Variants in ANKRD18B observed in about 807,000 individuals in gnomAD.
ANKRD18B encodes the protein ankyrin repeat domain 18B.
In ANKRD18B, 75 loss-of-function variants were observed where a neutral mutation model predicts 111.8. That is an observed-to-expected ratio of 0.67 (90% CI 0.56 to 0.81). ANKRD18B has a LOEUF of 0.81. ANKRD18B is among the 40% of genes least tolerant of loss of function. The pLI, the probability that ANKRD18B is intolerant of heterozygous loss-of-function variation, is 0.00. For synonymous variants in ANKRD18B, 356 were observed against 417.3 expected (o/e 0.85, Z 1.79); for missense variants, 1,038 against 1,225.5 (o/e 0.85, Z 2.28).
At chr9:33,561,964 A>T (rs919165949) in intron 14 of ANKRD18B, among the ~76,000 whole-genome samples, 2 of 152,134 alleles carry the variant, frequency 1.3e-5, no homozygotes, top group Admixed American at 1.3e-4. Flanking sequence ...CTTATGTCAT[A>T]ATAAAAATTA....
chr9:33,539,742 A>T (rs1828252556), intron 7 of ANKRD18B, among the ~76,000 whole-genome samples: 1 of 152,010 alleles, frequency 6.6e-6, no homozygotes, highest in Non-Finnish European at 1.5e-5. Flanking sequence ...CTTATCCTGT[A>T]GGCCAGGGGA....
At chr9:33,534,010 A>G (rs755076463) in intron 4 of ANKRD18B, among the ~76,000 whole-genome samples, 15 of 151,972 alleles carry the variant, frequency 9.9e-5, no homozygotes, top group Admixed American at 3.3e-4. Flanking sequence ...GAATTACAAT[A>G]TAATTCGAAG....
intron 5 of ANKRD18B, among the ~76,000 whole-genome samples, chr9:33,535,791 T>A (rs1191455331): frequency 1.4e-5 from 2 of 146,636 alleles, no homozygotes; most frequent in Non-Finnish European, 3.0e-5. Flanking sequence ...ATATTATATA[T>A]AATTATTATA....
In ANKRD18B at chr9:33,548,546, G is replaced by A. The variant is rs544475099; in HGVS notation, c.1758G>A (p.Gln586=). Reference sequence around the variant, plus strand: ...TACAGCTGGACCTAAAGCAAGCGCAGCATCGAATAAAGGAAATGAAGCAGA... The same window carrying A: ...TACAGCTGGACCTAAAGCAAGCGCAACATCGAATAAAGGAAATGAAGCAGA... ...ESVQLDLKQA[Q]HRIKEMKQMH... is the part of the protein sequence containing the mutation. The change falls in exon 11 of 19, where the codon CAG becomes CAA. Residue 586 remains glutamine (Q), a synonymous_variant. Coordinates refer to ENST00000684830, the MANE Select transcript of ANKRD18B (RefSeq NM_001393611.1). 12 of 1,550,882 alleles carry A rather than the reference G, an allele frequency of 7.7e-6. No homozygotes were observed. The African/African-American group carries it at 8.2e-5, about 11-fold the overall frequency.
chr9:33,545,305 T>G (rs1309207698), intron 10 of ANKRD18B, among the ~76,000 whole-genome samples: 1 of 151,920 alleles, frequency 6.6e-6, no homozygotes, highest in Non-Finnish European at 1.5e-5. Flanking sequence ...AGACCAAGAG[T>G]TTGATATGCA....
rs566375388 is a variant in ANKRD18B, at chr9:33,568,764, C to T, written c.3048C>T (p.Asp1016=). The change falls in exon 17 of 19, where the codon GAC becomes GAT. Residue 1016 remains aspartate, a synonymous_variant. Transcript: ENST00000684830. ...YFLSTLPMRP[D]PELPCVENLN... is the part of the protein sequence containing the mutation. ...TCAGCACTCTTCCTATGAGGCCAGA[C>T]CCAGAGTTACCTTGTGTTGAAAATC... The T allele has an allele frequency of 1.3e-5, 20 of 1,551,312 alleles. No homozygotes were observed. Among genetic ancestry groups the T allele is most frequent in the Non-Finnish European group, 1.7e-5 (19 of 1,146,776 alleles).
At position 33,572,653 on chromosome 9, in the gene ANKRD18B, A is replaced by G; in HGVS notation, c.*219A>G. On this transcript the variant is annotated 3_prime_UTR_variant, in exon 19 of 19. Coordinates refer to ENST00000684830, the MANE Select transcript of ANKRD18B (RefSeq NM_001393611.1). ...GAGTTTGACCTACTCAAATTGCCTG[A>G]ATGTCAGCTGTTTAAACAGCCAAAC... 9 of 1,150,674 alleles carry G rather than the reference A, an allele frequency of 7.8e-6. No homozygotes were observed. In the South Asian group the frequency reaches 1.5e-4, roughly 19 times the overall value. The allele number at this position is 1,150,674 out of a possible 1,614,324, so 71.3% of individuals were successfully genotyped here.
chr9:33,569,590 CT>C (rs1348304336), intron 17 of ANKRD18B, among the ~76,000 whole-genome samples: 1 of 152,128 alleles, frequency 6.6e-6, no homozygotes, highest in Non-Finnish European at 1.5e-5. Flanking sequence ...TTTGCACCAA[CT>C]TAACTCTTTC....
rs927855219 is a variant in ANKRD18B, at chr9:33,572,756, T to G, written c.*322T>G. The G allele has an allele frequency of 2.0e-6, 2 of 1,002,712 alleles. No individual in the cohort carries two copies. The highest frequency in any genetic ancestry group is 1.2e-6 in the Non-Finnish European group (1 of 838,386). The allele number at this position is 1,002,712 out of a possible 1,614,324, so 62.1% of individuals were successfully genotyped here. A position where few individuals can be genotyped will look rare whatever the true frequency, so the allele number is the denominator to read the frequency against. ...TTTATTACCATATATAGTAGGAGAC[T>G]TAAAGAGTATCTGCCAGGTTTGTCC... On this transcript the variant is annotated 3_prime_UTR_variant, in exon 19 of 19. Coordinates refer to ENST00000684830, the MANE Select transcript of ANKRD18B (RefSeq NM_001393611.1).
At chr9:33,557,796 AC>A (rs1828548656) in intron 13 of ANKRD18B, among the ~76,000 whole-genome samples, 1 of 151,732 alleles carries the variant, frequency 6.6e-6, no homozygotes, top group Non-Finnish European at 1.5e-5. Flanking sequence ...CTCAAAAAAA[AC>A]AAACAAAACA....
Position 33,548,401 on chromosome 9 carries a change from A to G in ANKRD18B, c.1613A>G (p.Asp538Gly). The G allele has an allele frequency of 6.4e-7, 1 of 1,550,938 alleles. No individual in the cohort carries two copies. The highest frequency in any genetic ancestry group is 8.7e-7 in the Non-Finnish European group (1 of 1,146,530). ...TMGSNISQLT[D>G]KNELLTEQVH... ...GGTTCTAATATTTCTCAACTAACAGATAAGAATGAGTTGCTTACTGAACAG... is the reference window on the plus strand; with the variant it reads ...GGTTCTAATATTTCTCAACTAACAGGTAAGAATGAGTTGCTTACTGAACAG... Residue 538 changes from aspartate (D) to glycine (G), a missense_variant, in exon 11 of 19, where the codon GAT becomes GGT. Asp to Gly is a moderately conservative substitution (Grantham distance 94). Around this residue, in one of 4 missense-constraint regions of ANKRD18B, gnomAD observed 524 missense variants for 677.9 expected, o/e 0.77. Transcript: ENST00000684830.
At chr9:33,533,081 T>C (rs2117992930) in intron 3 of ANKRD18B, among the ~76,000 whole-genome samples, 1 of 152,224 alleles carries the variant, frequency 6.6e-6, no homozygotes, top group South Asian at 2.1e-4. Context: ...TGTCTTAGGT[T>C]TTAGGGTTAT....
rs1828723519 is a variant in ANKRD18B, at chr9:33,568,740, C to T, written c.3024C>T (p.Leu1008=). The change falls in exon 17 of 19, where the codon CTC becomes CTT. Residue 1008 remains leucine, a synonymous_variant. Transcript: ENST00000684830. The part of the protein sequence containing the change: ...FMEKERMEYF[L]STLPMRPDPE... ...AGAAAGAGCGGATGGAATATTTTCTCAGCACTCTTCCTATGAGGCCAGACC... is the reference window on the plus strand; with the variant it reads ...AGAAAGAGCGGATGGAATATTTTCTTAGCACTCTTCCTATGAGGCCAGACC... 6.4e-7 allele frequency: 1 copy of T among 1,551,246 alleles called. No individual in the cohort carries two copies. Among genetic ancestry groups the T allele is most frequent in the African/African-American group, 1.4e-5 (1 of 73,022 alleles).
Position 33,572,749 on chromosome 9 carries a change from A to C in ANKRD18B, c.*315A>C. On this transcript the variant is annotated 3_prime_UTR_variant, in exon 19 of 19. Transcript: ENST00000684830. ...TACACTTTTTATTACCATATATAGTAGGAGACTTAAAGAGTATCTGCCAGG... is the reference window on the plus strand; with the variant it reads ...TACACTTTTTATTACCATATATAGTCGGAGACTTAAAGAGTATCTGCCAGG... 9.9e-7 allele frequency: 1 copy of C among 1,011,582 alleles called. No homozygotes were observed. The highest frequency in any genetic ancestry group is 1.7e-5 in the African/African-American group (1 of 57,960). The allele number at this position is 1,011,582 out of a possible 1,614,324, so 62.7% of individuals were successfully genotyped here.
intron 18 of ANKRD18B, chr9:33,571,719 C>T (rs1476053901): frequency 2.6e-5 from 4 of 154,502 alleles, no homozygotes; most frequent in Admixed American, 6.5e-5. Flanking sequence ...TCAGCCTTGT[C>T]TCTCACCACT....
intron 10 of ANKRD18B, among the ~76,000 whole-genome samples, chr9:33,545,289 G>GA (rs1828337590): frequency 1.3e-5 from 2 of 152,046 alleles, no homozygotes; most frequent in African/African-American, 4.8e-5. Context: ...TGGCTGAAAT[G>GA]AAAAAAGACC....
At position 33,572,349 on chromosome 9, in the gene ANKRD18B, T is replaced by C. The variant is rs7853994; in HGVS notation, c.3257T>C (p.Leu1086Pro). Residue 1086 changes from leucine to proline, a missense_variant, in exon 19 of 19, where the codon CTT becomes CCT. By Grantham distance (98) the Leu-to-Pro change is moderately conservative. This residue lies in a region of ANKRD18B where 524 missense variants were observed against 677.9 expected (regional missense o/e 0.77). Transcript: ENST00000684830. ...GCGTTGGGCCCTTGCTCCTATCTAC[T>C]TTCTTCTCTAGAATCCACTGGTAAG... ...FAALGPCSYL[L>P]SSLESTGKPH... The C allele has an allele frequency of 0.21, 331,329 of 1,608,286 alleles. 34,553 individuals carry two copies. Among genetic ancestry groups the C allele is most frequent in the Admixed American group, 0.23 (13,825 of 59,844 alleles).
rs780672161 is a variant in ANKRD18B, at chr9:33,566,520, T to C, written c.2742+20T>C. The C allele has an allele frequency of 2.4e-5, 38 of 1,598,444 alleles. No individual in the cohort carries two copies. The highest frequency in any genetic ancestry group is 3.1e-5 in the Non-Finnish European group (37 of 1,175,844). On this transcript the variant is annotated intron_variant, in intron 15 of 18. Coordinates refer to ENST00000684830, the MANE Select transcript of ANKRD18B (RefSeq NM_001393611.1). The stretch of plus-strand genomic sequence containing the variant: ...TTACAGGTTAGTTTTTAAAATCAGG[T>C]AAGTTTATCTGTAATGGGCTTTCAT...
chr9:33,524,765 G>A (rs1828002725), intron 1 of ANKRD18B, 70 bp downstream of exon 1: 1 of 1,495,318 alleles, frequency 6.7e-7, no homozygotes, highest in Non-Finnish European at 8.9e-7. Context: ...CTGAGGCGGG[G>A]TCGTCGGAGT....
Sources: gnomAD v4.1 joint callset for allele counts (sites outside exome capture counted in the v4.1 genomes callset) on GRCh38, gnomAD v4.1.1 for gene constraint, gnomAD v4.1.1 regional missense constraint, MANE v1.5 for transcripts, NCBI Gene and HGNC (gene_info 2026-07-23, HGNC 2026-07-21) for gene names.